The following CLOCK variants were observed in gnomAD, a reference collection of about 807,000 sequenced individuals.
CLOCK encodes circadian locomoter output cycles protein kaput.
Under a neutral mutation model 118.4 loss-of-function variants are expected in CLOCK, and 43 were observed. That is an observed-to-expected ratio of 0.36 (90% CI 0.28 to 0.47). CLOCK has a LOEUF of 0.47. Among genes scored for constraint, CLOCK ranks in the 20% least tolerant of loss-of-function variants. The probability of loss-of-function intolerance (pLI) is 1.00; values close to 1 mark genes in which losing one functional copy is unlikely to be tolerated. For missense variants in CLOCK, 846 were observed against 999.9 expected (o/e 0.85, Z 2.08); for synonymous variants, 326 against 339.2 (o/e 0.96, Z 0.43).
intron 2 of CLOCK, among the ~76,000 whole-genome samples, chr4:55,492,282 C>T (rs1727752116): frequency 6.7e-6 from 1 of 148,900 alleles, no homozygotes; most frequent in Admixed American, 6.8e-5. Flanking sequence ...TCAACAAAAC[C>T]AAGGATAAAA....
intron 4 of CLOCK, among the ~76,000 whole-genome samples, 161 bp downstream of exon 4, chr4:55,482,574 CCTTA>C (rs1424445178): frequency 6.6e-6 from 1 of 152,124 alleles, no homozygotes; most frequent in African/African-American, 2.4e-5. Context: ...TACTGATATA[CCTTA>C]CTTATTTTTT....
At chr4:55,519,988 G>A (rs1485372104) in intron 1 of CLOCK, among the ~76,000 whole-genome samples, 1 of 151,948 alleles carries the variant, frequency 6.6e-6, no homozygotes, top group Non-Finnish European at 1.5e-5. Flanking sequence ...TCCCTATTAG[G>A]GCCCTGACTT....
intron 1 of CLOCK, among the ~76,000 whole-genome samples, chr4:55,518,840 TG>T (rs1450127986): frequency 6.6e-6 from 1 of 152,208 alleles, no homozygotes; most frequent in Non-Finnish European, 1.5e-5. Context: ...AGCAGCCAAA[TG>T]GACTAAGACA....
chr4:55,523,491 TAA>T (rs35566281), intron 1 of CLOCK, among the ~76,000 whole-genome samples: 1 of 151,812 alleles, frequency 6.6e-6, no homozygotes, highest in Non-Finnish European at 1.5e-5. Context: ...AAAGGGATAA[TAA>T]AAAAAATTGA....
intron 4 of CLOCK, 104 bp from the exon 5 acceptor site, chr4:55,479,803 G>T: frequency 1.1e-6 from 1 of 871,142 alleles, no homozygotes; most frequent in South Asian, 1.4e-5. Context: ...TTTTTGTAAA[G>T]TTAATGAGTT....
chr4:55,512,127 G>A (rs1359399732), intron 1 of CLOCK, among the ~76,000 whole-genome samples: 2 of 151,860 alleles, frequency 1.3e-5, no homozygotes, highest in Admixed American at 1.3e-4. Flanking sequence ...AGATCATATG[G>A]TAAGACTATG....
intron 1 of CLOCK, among the ~76,000 whole-genome samples, chr4:55,524,107 G>A (rs537595784): frequency 8.5e-5 from 13 of 152,058 alleles, no homozygotes; most frequent in Non-Finnish European, 1.6e-4. Context: ...ATTCATACCC[G>A]GCCGGGCATA....
intron 1 of CLOCK, among the ~76,000 whole-genome samples, chr4:55,539,011 C>G (rs963913545): frequency 2.0e-5 from 3 of 152,084 alleles, no homozygotes; most frequent in African/African-American, 7.2e-5. Flanking sequence ...GTGGGCAGAT[C>G]ACTTGAGGCC....
At chr4:55,486,644 G>C (rs1727319185) in intron 3 of CLOCK, 2 of 152,136 alleles carry the variant, frequency 1.3e-5, no homozygotes, top group Non-Finnish European at 2.9e-5. Context: ...GTTGGATACT[G>C]AATACCTGGT....
At chr4:55,500,014 T>C (rs1301897010) in intron 2 of CLOCK, among the ~76,000 whole-genome samples, 1 of 152,048 alleles carries the variant, frequency 6.6e-6, no homozygotes. Flanking sequence ...ACTATGGCAA[T>C]GTAATTTTAC....
chr4:55,437,337 CACAT>C (rs1473180775), intron 22 of CLOCK, among the ~76,000 whole-genome samples: 2 of 152,158 alleles, frequency 1.3e-5, no homozygotes, highest in East Asian at 3.9e-4. Context: ...GTCTCTAGTA[CACAT>C]ACAGACTAGC....
intron 7 of CLOCK, 93 bp downstream of exon 7, chr4:55,475,870 C>T (rs765499318): frequency 8.7e-6 from 7 of 802,820 alleles, no homozygotes; most frequent in African/African-American, 3.4e-5. Context: ...GAACTCAACT[C>T]GCAATATCGC....
At position 55,530,774 on chromosome 4, in the gene CLOCK, C is replaced by CA. The variant is rs60810379; in HGVS notation, c.-290+16007dup. Among the ~76,000 whole-genome samples the CA allele has an allele frequency of 2.8e-3, 94 of 33,050 alleles. 13 individuals are homozygous for CA. Among genetic ancestry groups the CA allele is most frequent in the African/African-American group, 3.2e-3 (23 of 7,202 alleles). 21.7% of individuals were successfully genotyped at this position (33,050 alleles called of 152,430 possible). On this transcript the variant is annotated intron_variant, in intron 1 of 22. Transcript: ENST00000513440. ...TGGGAAAAAGAGCAAGACTCCATCGCAAAAAAAAAAAAAAAAAGAGTAAAT... is the reference window on the plus strand; with the variant it reads ...TGGGAAAAAGAGCAAGACTCCATCGCAAAAAAAAAAAAAAAAAAGAGTAAAT...
At chr4:55,538,145 G>A (rs1731024240) in intron 1 of CLOCK, among the ~76,000 whole-genome samples, 1 of 152,188 alleles carries the variant, frequency 6.6e-6, no homozygotes, top group African/African-American at 2.4e-5. Flanking sequence ...ACTTTCTACA[G>A]ATATTAAAAG....
chr4:55,456,378 C>A, intron 11 of CLOCK, 78 bp from the exon 12 acceptor site: 2 of 1,028,006 alleles, frequency 1.9e-6, no homozygotes, highest in Admixed American at 2.1e-5. Flanking sequence ...AAAAATAAGT[C>A]ATGGCCAGGT....
chr4:55,512,709 G>C (rs1729243981), intron 1 of CLOCK, among the ~76,000 whole-genome samples: 1 of 151,972 alleles, frequency 6.6e-6, no homozygotes, highest in Admixed American at 6.6e-5. Context: ...TTTACATTTA[G>C]GTCTCTGATC....
intron 2 of CLOCK, among the ~76,000 whole-genome samples, chr4:55,490,341 C>T (rs778125864): frequency 5.3e-5 from 8 of 151,836 alleles, no homozygotes; most frequent in Non-Finnish European, 8.8e-5. Context: ...TATATATACA[C>T]CCAACATCAG....
intron 4 of CLOCK, among the ~76,000 whole-genome samples, chr4:55,481,838 C>T (rs1726953582): frequency 6.6e-6 from 1 of 152,166 alleles, no homozygotes; most frequent in African/African-American, 2.4e-5. Flanking sequence ...TATTTAACCT[C>T]TCTGACCTAC....
intron 5 of CLOCK, 44 bp downstream of exon 5, chr4:55,479,592 TTATC>T: frequency 8.9e-6 from 12 of 1,352,348 alleles, no homozygotes; most frequent in Non-Finnish European, 1.3e-5. Context: ...ACCATTATAT[TTATC>T]TATTATTCAT....
Sources: gnomAD v4.1 joint callset for allele counts (sites outside exome capture counted in the v4.1 genomes callset) on GRCh38, gnomAD v4.1.1 for gene constraint, MANE v1.5 for transcripts, NCBI Gene and HGNC (gene_info 2026-07-23, HGNC 2026-07-21) for gene names.